MAP2K6: variants seen among roughly 807,000 people sequenced by gnomAD.
MAP2K6 encodes the protein mitogen-activated protein kinase kinase 6, also known as dual specificity mitogen-activated protein kinase kinase 6.
Under a neutral mutation model 53.7 loss-of-function variants are expected in MAP2K6, and 16 were observed. The observed-to-expected ratio is 0.30, with a 90% CI of 0.20 to 0.45. The LOEUF (loss-of-function observed/expected upper bound fraction) is 0.45, where lower values mean the gene tolerates loss of function less well. Among genes scored for constraint, MAP2K6 ranks in the 20% least tolerant of loss-of-function variants. The probability of loss-of-function intolerance (pLI) is 1.00; values close to 1 mark genes in which losing one functional copy is unlikely to be tolerated. For synonymous variants in MAP2K6, 132 were observed against 143.1 expected, an observed-to-expected ratio of 0.92 and a Z score of 0.55; for missense variants, 204 against 411.9, an observed-to-expected ratio of 0.50 and a Z score of 4.37.
chr17:69,415,919 G>C (rs557091997), intron 1 of MAP2K6, among the ~76,000 whole-genome samples: 1 of 152,066 alleles, frequency 6.6e-6, no homozygotes, highest in Non-Finnish European at 1.5e-5. Flanking sequence ...AAACACAGTT[G>C]TATTTTGCAG....
chr17:69,495,098 TA>T (rs33953795), intron 1 of MAP2K6, among the ~76,000 whole-genome samples: 77,870 of 136,082 alleles, frequency 0.57, 21,156 homozygotes, highest in East Asian at 0.65. Flanking sequence ...TACTTCCACA[TA>T]AAAAAAAAAA....
In MAP2K6 at chr17:69,437,571, G is replaced by C. The variant is rs571558554; in HGVS notation, c.16+22571G>C. Among the ~76,000 whole-genome samples, 7 of 152,248 alleles carry C rather than the reference G, an allele frequency of 4.6e-5. No homozygotes were observed. The South Asian group carries it at 1.2e-3, about 27-fold the overall frequency. ...TGTATATGTATATATTTTTATTGTG[G>C]TTAAACACACATAATGCAAAATTCA... On this transcript the variant is annotated intron_variant, in intron 1 of 11. Coordinates refer to ENST00000590474, the MANE Select transcript of MAP2K6 (RefSeq NM_002758.4).
intron 1 of MAP2K6, among the ~76,000 whole-genome samples, chr17:69,455,080 T>C (rs569932412): frequency 6.6e-6 from 1 of 151,798 alleles, no homozygotes; most frequent in Non-Finnish European, 1.5e-5. Flanking sequence ...TACAATGTTC[T>C]GAAGAATTTT....
At chr17:69,443,634 C>A (rs1906885526) in intron 1 of MAP2K6, among the ~76,000 whole-genome samples, 1 of 152,166 alleles carries the variant, frequency 6.6e-6, no homozygotes, top group African/African-American at 2.4e-5. Flanking sequence ...TTACCCTAAT[C>A]CTTGCCCTAG....
At position 69,440,731 on chromosome 17, in the gene MAP2K6, G is replaced by GT. The variant is rs71924015; in HGVS notation, c.16+25735dup. On this transcript the variant is annotated intron_variant, in intron 1 of 11. Transcript: ENST00000590474. ...TGGATATAGAATTCTGGGTTGACAG[G>GT]TTTTGTTTTGTTTTTTTTTTTTCAC... Among the ~76,000 whole-genome samples the GT allele has an allele frequency of 5.1e-3, 756 of 148,202 alleles. 11 individuals carry two copies. The highest frequency in any genetic ancestry group is 0.018 in the African/African-American group (713 of 40,352).
chr17:69,503,529 C>T (rs189003214), intron 1 of MAP2K6, among the ~76,000 whole-genome samples: 12 of 152,264 alleles, frequency 7.9e-5, no homozygotes, highest in African/African-American at 2.6e-4. Context: ...GAGAAAGCCT[C>T]TTATTCTGAA....
chr17:69,488,231 A>G (rs555618388), intron 1 of MAP2K6, among the ~76,000 whole-genome samples: 3 of 152,270 alleles, frequency 2.0e-5, no homozygotes, highest in South Asian at 2.1e-4. Flanking sequence ...CAATACCACA[A>G]TGAGACAGTG....
chr17:69,529,841 A>C (rs1044057984), intron 10 of MAP2K6, among the ~76,000 whole-genome samples: 5 of 152,130 alleles, frequency 3.3e-5, no homozygotes, highest in Non-Finnish European at 5.9e-5. Context: ...ATGCACACAT[A>C]TATGGAAGTT....
At position 69,545,466 on chromosome 17, in the gene MAP2K6, G is replaced by A. The variant is rs893921957; in HGVS notation, c.*3713G>A. On this transcript the variant is annotated 3_prime_UTR_variant, in exon 12 of 12. Coordinates refer to ENST00000590474, the MANE Select transcript of MAP2K6 (RefSeq NM_002758.4). Reference sequence around the variant, plus strand: ...CAGTTAAGCCATCTGAAATGGAAACGAGTATGTATGGGCATGGCTTGAAAT... The same window carrying A: ...CAGTTAAGCCATCTGAAATGGAAACAAGTATGTATGGGCATGGCTTGAAAT... 3.3e-5 allele frequency: 5 copies of A among 152,178 alleles called. No individual in the cohort carries two copies. The highest frequency in any genetic ancestry group is 1.3e-4 in the Admixed American group (2 of 15,282). 9.4% of individuals were successfully genotyped at this position (152,178 alleles called of 1,614,324 possible). A position where few individuals can be genotyped will look rare whatever the true frequency, so the allele number is the denominator to read the frequency against.
chr17:69,437,622 A>G (rs920951104), intron 1 of MAP2K6, among the ~76,000 whole-genome samples: 2 of 152,224 alleles, frequency 1.3e-5, no homozygotes, highest in African/African-American at 4.8e-5. Context: ...TAGAGTATAC[A>G]ATTCAGTGGC....
At position 69,543,404 on chromosome 17, in the gene MAP2K6, C is replaced by A. The variant is rs965542771; in HGVS notation, c.*1651C>A. On this transcript the variant is annotated 3_prime_UTR_variant, in exon 12 of 12. Transcript: ENST00000590474. ...TTGTTCTTGACAAGGAGGAGTTGCT[C>A]CTGCCCAGAATGAGCGTGACACTTC... 6.6e-6 allele frequency: 1 copy of A among 152,020 alleles called. No homozygotes were observed. The highest frequency in any genetic ancestry group is 2.4e-5 in the African/African-American group (1 of 41,386). 9.4% of individuals were successfully genotyped at this position (152,020 alleles called of 1,614,324 possible). A position where few individuals can be genotyped will look rare whatever the true frequency, so the allele number is the denominator to read the frequency against.
intron 2 of MAP2K6, among the ~76,000 whole-genome samples, chr17:69,509,684 G>C (rs78788340): frequency 0.033 from 5,037 of 152,132 alleles, 231 homozygotes; most frequent in African/African-American, 0.099. Context: ...ATGAGAGCAG[G>C]CAAACTTGCT....
intron 1 of MAP2K6, among the ~76,000 whole-genome samples, chr17:69,483,064 T>A (rs1045543416): frequency 1.3e-5 from 2 of 152,134 alleles, no homozygotes; most frequent in South Asian, 4.2e-4. Context: ...CATAAGGATG[T>A]CTTTTCTTGC....
intron 1 of MAP2K6, among the ~76,000 whole-genome samples, chr17:69,461,628 G>A (rs147551666): frequency 4.3e-4 from 65 of 152,236 alleles, no homozygotes; most frequent in Non-Finnish European, 7.6e-4. Flanking sequence ...AAAGCTGTGG[G>A]GCTCCACTTT....
chr17:69,462,612 C>T (rs940029064), intron 1 of MAP2K6, among the ~76,000 whole-genome samples: 3 of 152,150 alleles, frequency 2.0e-5, no homozygotes, highest in Non-Finnish European at 2.9e-5. Context: ...GCCCTGCATA[C>T]GTGACCCTGT....
intron 1 of MAP2K6, among the ~76,000 whole-genome samples, chr17:69,461,998 A>C (rs932103387): frequency 6.6e-6 from 1 of 152,184 alleles, no homozygotes; most frequent in Admixed American, 6.5e-5. Flanking sequence ...ATTCGCAAGG[A>C]GGCAGTTTGG....
chr17:69,465,565 G>A (rs1249732789), intron 1 of MAP2K6, among the ~76,000 whole-genome samples: 1 of 151,706 alleles, frequency 6.6e-6, no homozygotes, highest in Non-Finnish European at 1.5e-5. Context: ...TGGTAGAGGT[G>A]ACAAGGTAGG....
chr17:69,448,864 A>G (rs866423301), intron 1 of MAP2K6, among the ~76,000 whole-genome samples: 1 of 152,112 alleles, frequency 6.6e-6, no homozygotes, highest in Non-Finnish European at 1.5e-5. Context: ...ATTTCCACAC[A>G]CTGAAGTTGT....
At chr17:69,504,243 A>G (rs1464871514) in intron 1 of MAP2K6, among the ~76,000 whole-genome samples, 1 of 152,022 alleles carries the variant, frequency 6.6e-6, no homozygotes, top group East Asian at 1.9e-4. Flanking sequence ...TCTGCAATGT[A>G]GAGAAGAGGT....
Sources: gnomAD v4.1 joint callset for allele counts (sites outside exome capture counted in the v4.1 genomes callset) on GRCh38, gnomAD v4.1.1 for gene constraint, MANE v1.5 for transcripts, NCBI Gene and HGNC (gene_info 2026-07-23, HGNC 2026-07-21) for gene names.